The following PITPNC1 variants were observed in gnomAD, a reference collection of about 807,000 sequenced individuals.
PITPNC1 encodes the protein cytoplasmic phosphatidylinositol transfer protein 1.
A neutral mutation model predicts 44.7 loss-of-function variants in PITPNC1; 18 were observed. The ratio of observed to expected loss-of-function variants is 0.40; its 90% confidence interval spans 0.28 to 0.60. The LOEUF (loss-of-function observed/expected upper bound fraction) is 0.60. Among genes scored for constraint, PITPNC1 ranks in the 20% least tolerant of loss-of-function variants. The probability of loss-of-function intolerance (pLI) is 0.39; values close to 1 mark genes in which losing one functional copy is unlikely to be tolerated. For missense variants in PITPNC1, 290 were observed against 418.4 expected, an observed-to-expected ratio of 0.69 and a Z score of 2.68; for synonymous variants, 141 against 149.6, an observed-to-expected ratio of 0.94 and a Z score of 0.42.
At chr17:67,450,017 G>T (rs2039153318) in intron 1 of PITPNC1, among the ~76,000 whole-genome samples, 2 of 152,146 alleles carry the variant, frequency 1.3e-5, no homozygotes, top group Admixed American at 1.3e-4. Context: ...TTAACTGCTT[G>T]TCTGTCTGGC....
At chr17:67,399,727 G>A (rs1053946858) in intron 1 of PITPNC1, among the ~76,000 whole-genome samples, 2 of 152,190 alleles carry the variant, frequency 1.3e-5, no homozygotes, top group African/African-American at 2.4e-5. Context: ...AACAGGCATA[G>A]TCACTTTCAA....
At chr17:67,456,678 T>C (rs2039258872) in intron 1 of PITPNC1, among the ~76,000 whole-genome samples, 1 of 152,194 alleles carries the variant, frequency 6.6e-6, no homozygotes. Context: ...TTTGGTATTT[T>C]ATTGTATTTT....
intron 5 of PITPNC1, among the ~76,000 whole-genome samples, chr17:67,601,184 A>C (rs1040033624): frequency 6.6e-6 from 1 of 152,208 alleles, no homozygotes; most frequent in African/African-American, 2.4e-5. Context: ...ACACATTGTC[A>C]TGAAACTGCA....
intron 1 of PITPNC1, among the ~76,000 whole-genome samples, chr17:67,449,257 C>A (rs1265778810): frequency 6.6e-6 from 1 of 152,170 alleles, no homozygotes; most frequent in Non-Finnish European, 1.5e-5. Flanking sequence ...GCATTTCTTT[C>A]CTTTTCCGTG....
chr17:67,548,302 G>C (rs551834457), intron 2 of PITPNC1, among the ~76,000 whole-genome samples: 46 of 152,188 alleles, frequency 3.0e-4, no homozygotes, highest in South Asian at 2.1e-4. Context: ...TTAAAAGTAA[G>C]AACCCGGGCT....
At chr17:67,383,647 G>A (rs2037997693) in intron 1 of PITPNC1, among the ~76,000 whole-genome samples, 1 of 152,296 alleles carries the variant, frequency 6.6e-6, no homozygotes, top group African/African-American at 2.4e-5. Flanking sequence ...CGCCACAGAG[G>A]TACTTGTTAG....
chr17:67,588,214 C>T (rs2041347479), intron 5 of PITPNC1, among the ~76,000 whole-genome samples: 1 of 152,034 alleles, frequency 6.6e-6, no homozygotes, highest in African/African-American at 2.4e-5. Context: ...ATGTTGGCCA[C>T]GCTGATCTTG....
chr17:67,665,185 T>A (rs139578814), intron 6 of PITPNC1, among the ~76,000 whole-genome samples: 1 of 152,236 alleles, frequency 6.6e-6, no homozygotes, highest in Non-Finnish European at 1.5e-5. Context: ...CTCAATTTCC[T>A]GGGCTCGAGT....
intron 1 of PITPNC1, among the ~76,000 whole-genome samples, chr17:67,422,117 A>G (rs931551494): frequency 1.3e-5 from 2 of 152,218 alleles, no homozygotes; most frequent in African/African-American, 4.8e-5. Flanking sequence ...GGCTTAAACC[A>G]CATCATCTGA....
intron 1 of PITPNC1, among the ~76,000 whole-genome samples, chr17:67,416,128 T>C (rs2038584336): frequency 6.6e-6 from 1 of 151,770 alleles, no homozygotes; most frequent in Non-Finnish European, 1.5e-5. Context: ...AAAAATTCAC[T>C]TAATTTTGGA....
intron 5 of PITPNC1, among the ~76,000 whole-genome samples, chr17:67,581,616 C>T (rs1168471936): frequency 6.6e-6 from 1 of 152,210 alleles, no homozygotes; most frequent in African/African-American, 2.4e-5. Context: ...CTCCTGAGGC[C>T]ATTGGACCAC....
At chr17:67,573,975 CTG>C (rs1183872076) in intron 4 of PITPNC1, among the ~76,000 whole-genome samples, 1 of 152,148 alleles carries the variant, frequency 6.6e-6, no homozygotes, top group South Asian at 2.1e-4. Flanking sequence ...TTTTTTAAGA[CTG>C]TGTCTCTTTT....
At chr17:67,577,312 G>C (rs551535720) in intron 4 of PITPNC1, among the ~76,000 whole-genome samples, 1 of 148,580 alleles carries the variant, frequency 6.7e-6, no homozygotes, top group East Asian at 2.0e-4. Context: ...TAAAAAGAAG[G>C]CCGGGCGCCT....
At chr17:67,577,305 A>AAATAT (rs1468887283) in intron 4 of PITPNC1, among the ~76,000 whole-genome samples, 1 of 149,246 alleles carries the variant, frequency 6.7e-6, no homozygotes, top group African/African-American at 2.5e-5. Flanking sequence ...ATAAAAATAA[A>AAATAT]AAGAAGGCCG....
chr17:67,389,765 C>A (rs1454868190), intron 1 of PITPNC1, among the ~76,000 whole-genome samples: 1 of 152,000 alleles, frequency 6.6e-6, no homozygotes, highest in Non-Finnish European at 1.5e-5. Flanking sequence ...CTGCACCCTC[C>A]GCTTCCTGGG....
intron 1 of PITPNC1, among the ~76,000 whole-genome samples, chr17:67,404,424 C>G (rs1343997781): frequency 2.0e-5 from 3 of 152,064 alleles, no homozygotes; most frequent in Non-Finnish European, 4.4e-5. Context: ...CAAACAGGCA[C>G]TTTAAGATGT....
chr17:67,458,118 C>CTCTTCCTACCCAGTACTCCTTT (rs1452009409), intron 1 of PITPNC1, among the ~76,000 whole-genome samples: 3 of 152,298 alleles, frequency 2.0e-5, no homozygotes, highest in Middle Eastern at 3.4e-3. Flanking sequence ...CACTCTGAGT[C>CTCTTCCTACCCAGTACTCCTTT]TCTTCCTACC....
At chr17:67,537,193 C>G (rs1009023578) in intron 2 of PITPNC1, among the ~76,000 whole-genome samples, 3 of 152,108 alleles carry the variant, frequency 2.0e-5, no homozygotes, top group South Asian at 2.1e-4. Context: ...TTGTTATTAC[C>G]ATGTCTATCC....
intron 1 of PITPNC1, among the ~76,000 whole-genome samples, chr17:67,413,714 G>C (rs550089547): frequency 1.3e-5 from 2 of 152,280 alleles, no homozygotes; most frequent in South Asian, 4.1e-4. Context: ...GAACACACTT[G>C]CTGGCTATGA....
Sources: allele counts gnomAD v4.1 joint callset (sites outside exome capture counted in the v4.1 genomes callset), GRCh38; gene constraint gnomAD v4.1.1; transcripts MANE v1.5; gene names NCBI Gene and HGNC (gene_info 2026-07-23, HGNC 2026-07-21).